The following ARL15 variants were observed in gnomAD, a reference collection of about 807,000 sequenced individuals.
ARL15 encodes the protein ARF like GTPase 15.
In ARL15, 19 loss-of-function variants were observed where a neutral mutation model predicts 25.2. That is an observed-to-expected ratio of 0.75 (90% CI 0.53 to 1.10). The LOEUF (loss-of-function observed/expected upper bound fraction) is 1.10. ARL15 is among the 50% of genes least tolerant of loss of function. The pLI is 0.00. For missense variants in ARL15, 220 were observed against 246.0 expected (o/e 0.89, Z 0.71); for synonymous variants, 94 against 86.8 (o/e 1.08, Z -0.46).
chr5:54,277,183 A>C (rs1344428021), intron 1 of ARL15, among the ~76,000 whole-genome samples: 5 of 152,204 alleles, frequency 3.3e-5, no homozygotes, highest in Non-Finnish European at 7.4e-5. Flanking sequence ...ATTGTTACTA[A>C]TATTATCAGT....
intron 4 of ARL15, among the ~76,000 whole-genome samples, chr5:54,036,953 G>A (rs943250973): frequency 2.6e-5 from 4 of 151,966 alleles, no homozygotes; most frequent in South Asian, 2.1e-4. Context: ...ACGTAAAAGC[G>A]ATTCATCATA....
At chr5:54,302,683 A>AT (rs372704359) in intron 1 of ARL15, among the ~76,000 whole-genome samples, 23,850 of 77,316 alleles carry the variant, frequency 0.31, 5,845 homozygotes, top group Middle Eastern at 0.42. Flanking sequence ...TAAAATTAAG[A>AT]TTTTTTTTTT....
intron 4 of ARL15, among the ~76,000 whole-genome samples, chr5:53,996,112 A>C (rs181668180): frequency 6.6e-6 from 1 of 152,302 alleles, no homozygotes; most frequent in Admixed American, 6.5e-5. Context: ...GTTCAGGAGA[A>C]TGTTCAGCTA....
At chr5:54,141,395 C>T (rs1753777967) in intron 3 of ARL15, among the ~76,000 whole-genome samples, 1 of 152,062 alleles carries the variant, frequency 6.6e-6, no homozygotes, top group Admixed American at 6.6e-5. Context: ...TTACCTTAAT[C>T]TGTCTAGAAT....
intron 4 of ARL15, among the ~76,000 whole-genome samples, chr5:53,955,132 C>CA (rs1554029557): frequency 1.3e-5 from 2 of 150,672 alleles, no homozygotes; most frequent in Non-Finnish European, 2.9e-5. Context: ...CCTGCCCCTC[C>CA]ACCTAAGGAC....
chr5:53,966,877 A>C (rs1350341418), intron 4 of ARL15, among the ~76,000 whole-genome samples: 1 of 152,248 alleles, frequency 6.6e-6, no homozygotes, highest in East Asian at 1.9e-4. Flanking sequence ...CTAGATGTAC[A>C]AGTACAGAAA....
chr5:53,969,119 C>T (rs1561170283), intron 4 of ARL15, among the ~76,000 whole-genome samples: 1 of 152,074 alleles, frequency 6.6e-6, no homozygotes, highest in Non-Finnish European at 1.5e-5. Context: ...CCACTACACT[C>T]CAACCTGGGT....
chr5:54,301,200 A>G (rs1758607614), intron 1 of ARL15, among the ~76,000 whole-genome samples: 1 of 152,164 alleles, frequency 6.6e-6, no homozygotes, highest in Non-Finnish European at 1.5e-5. Context: ...TTTATTTTTC[A>G]TCGTACAGGA....
chr5:53,994,048 A>G (rs1017221886), intron 4 of ARL15, among the ~76,000 whole-genome samples: 1 of 152,192 alleles, frequency 6.6e-6, no homozygotes, highest in Non-Finnish European at 1.5e-5. Flanking sequence ...GAGCTGAAAG[A>G]GACTGGAATA....
chr5:54,161,026 G>T (rs1428396182), intron 2 of ARL15, among the ~76,000 whole-genome samples: 1 of 151,950 alleles, frequency 6.6e-6, no homozygotes, highest in Non-Finnish European at 1.5e-5. Flanking sequence ...TTTTTCTCTA[G>T]TTTTTTAATT....
At chr5:54,096,196 C>T (rs553485144) in intron 4 of ARL15, among the ~76,000 whole-genome samples, 1 of 152,300 alleles carries the variant, frequency 6.6e-6, no homozygotes, top group East Asian at 1.9e-4. Context: ...TCCTCCTCTG[C>T]ACTCCTTAGT....
At chr5:54,237,988 AAGAGTACC>A (rs1259007467) in intron 1 of ARL15, among the ~76,000 whole-genome samples, 4 of 152,230 alleles carry the variant, frequency 2.6e-5, no homozygotes, top group African/African-American at 9.6e-5. Flanking sequence ...ACAAATCCAC[AAGAGTACC>A]AGAGGACGTT....
rs139740384 is a variant in ARL15, at chr5:53,993,419, G to T, written c.463-106706C>A. The stretch of plus-strand genomic sequence containing the variant: ...GGCCCAGGGTTCAAGACCAGCCTGG[G>T]CAACATAGGAGACCCTGTCTCTAAA... On this transcript the variant is annotated intron_variant, in intron 4 of 4. Transcript: ENST00000504924. 3.9e-3 allele frequency among the ~76,000 whole-genome samples: 596 copies of T among 152,192 alleles called. 4 individuals carry two copies. The highest frequency in any genetic ancestry group is 0.014 in the African/African-American group (562 of 41,548).
At chr5:53,908,923 G>C (rs1045800345) in intron 4 of ARL15, among the ~76,000 whole-genome samples, 7 of 152,176 alleles carry the variant, frequency 4.6e-5, no homozygotes, top group Admixed American at 1.3e-4. Flanking sequence ...GTTGACATCA[G>C]ATGGAAGATG....
chr5:54,289,611 A>T (rs1209455995), intron 1 of ARL15, among the ~76,000 whole-genome samples: 1 of 148,524 alleles, frequency 6.7e-6, no homozygotes, highest in Non-Finnish European at 1.5e-5. Flanking sequence ...GGGAGACATT[A>T]AGAGCAAATC....
In ARL15 at chr5:54,241,744, A is replaced by G. The variant is rs16882499; in HGVS notation, c.48+68688T>C. On this transcript the variant is annotated intron_variant, in intron 1 of 4. Transcript: ENST00000504924. ...GATATGTAGCAAGCACCTAAGGTTT[A>G]AAAAACATGAGCACATCTTGAAATG... is the stretch of plus-strand genomic sequence containing the variant. Among the ~76,000 whole-genome samples the G allele has an allele frequency of 7.8e-3, 1,182 of 152,268 alleles. 11 individuals are homozygous for G. The highest frequency in any genetic ancestry group is 0.027 in the African/African-American group (1,118 of 41,570).
intron 1 of ARL15, among the ~76,000 whole-genome samples, chr5:54,277,567 T>A (rs1429869243): frequency 6.6e-6 from 1 of 152,018 alleles, no homozygotes; most frequent in African/African-American, 2.4e-5. Context: ...CTAGCTAACA[T>A]GGTGAAACCA....
intron 4 of ARL15, among the ~76,000 whole-genome samples, chr5:54,017,231 A>C (rs1316299212): frequency 6.6e-6 from 1 of 152,160 alleles, no homozygotes; most frequent in Non-Finnish European, 1.5e-5. Flanking sequence ...ATATTTCCCT[A>C]AAATGGTGTG....
chr5:54,205,277 G>T (rs1213553433), intron 1 of ARL15, among the ~76,000 whole-genome samples: 1 of 152,108 alleles, frequency 6.6e-6, no homozygotes, highest in African/African-American at 2.4e-5. Flanking sequence ...CCCCCATGAC[G>T]GTAAAGGCAT....
Sources: gnomAD v4.1 joint callset for allele counts (sites outside exome capture counted in the v4.1 genomes callset) on GRCh38, gnomAD v4.1.1 for gene constraint, MANE v1.5 for transcripts, NCBI Gene and HGNC (gene_info 2026-07-23, HGNC 2026-07-21) for gene names.